CDYL2: variants seen among roughly 807,000 people sequenced by gnomAD.
The protein encoded by CDYL2 is chromodomain Y like 2.
Under a neutral mutation model 49.4 loss-of-function variants are expected in CDYL2, and 23 were observed. The ratio of observed to expected loss-of-function variants is 0.47; its 90% confidence interval spans 0.34 to 0.66. CDYL2 has a LOEUF of 0.66. CDYL2 is among the 30% of genes least tolerant of loss of function. The probability of loss-of-function intolerance (pLI) is 0.01; values close to 1 mark genes in which losing one functional copy is unlikely to be tolerated. For missense variants in CDYL2, 678 were observed against 656.4 expected, an observed-to-expected ratio of 1.03 and a Z score of -0.36; for synonymous variants, 360 against 268.8, an observed-to-expected ratio of 1.34 and a Z score of -3.32.
intron 1 of CDYL2, among the ~76,000 whole-genome samples, chr16:80,791,437 A>G (rs1401369242): frequency 1.3e-5 from 2 of 152,206 alleles, no homozygotes; most frequent in African/African-American, 4.8e-5. Context: ...GCCCTCACAA[A>G]GCTTACAATG....
chr16:80,691,524 G>A (rs1372914142), intron 1 of CDYL2, among the ~76,000 whole-genome samples: 1 of 152,204 alleles, frequency 6.6e-6, no homozygotes. Flanking sequence ...TCCAAGTGGT[G>A]AGAGAGACCA....
chr16:80,761,328 C>G lies in CDYL2; in HGVS notation c.24+42822G>C, dbSNP rs190101934. On this transcript the variant is annotated intron_variant, in intron 1 of 6. Coordinates refer to ENST00000570137, the MANE Select transcript of CDYL2 (RefSeq NM_152342.4). ...GTGACTTTGGAAAAGTTATTTACCA[C>G]TGTGAGCTTCTGTTTCCTCATCTGT... 4.5e-4 allele frequency among the ~76,000 whole-genome samples: 68 copies of G among 152,336 alleles called. No homozygotes were observed. In the Middle Eastern group the frequency reaches 0.01, roughly 23 times the overall value.
chr16:80,790,313 G>T (rs1167511395), intron 1 of CDYL2, among the ~76,000 whole-genome samples: 11 of 152,152 alleles, frequency 7.2e-5, no homozygotes, highest in Admixed American at 7.2e-4. Flanking sequence ...AAATACCTAA[G>T]ATAGCAAAGA....
chr16:80,718,566 C>G (rs189916516), intron 1 of CDYL2, among the ~76,000 whole-genome samples: 6 of 152,266 alleles, frequency 3.9e-5, no homozygotes, highest in African/African-American at 1.2e-4. Flanking sequence ...TTTACTGCTC[C>G]GTGACAAGGC....
chr16:80,604,474 A>G lies in CDYL2; in HGVS notation c.1435T>C (p.Cys479Arg), dbSNP rs1007360853. ...SVLEDVNEKE[C>R]LMLKQLWSSS... ...CTCCAGAGCTGCTTGAGCATGAGGC[A>G]TTCCTTCTCGTTCACGTCTTCCAGC... The change falls in exon 7 of 7, where the codon TGC (cysteine) becomes CGC (arginine). Residue 479 changes from cysteine to arginine, a missense_variant. Physicochemically the swap from Cys to Arg is radical, Grantham distance 180. Coordinates refer to ENST00000570137, the MANE Select transcript of CDYL2 (RefSeq NM_152342.4). 6.2e-7 allele frequency: 1 copy of G among 1,614,050 alleles called. No individual in the cohort carries two copies. Among genetic ancestry groups the G allele is most frequent in the Non-Finnish European group, 8.5e-7 (1 of 1,180,028 alleles).
In CDYL2 at chr16:80,730,166, A is replaced by G. The variant is rs948567056; in HGVS notation, c.25-45037T>C. ...CAAAAAATTAATGAATCCAGGATCT[A>G]GTTTTTTGAAAGGATCAACAAAATT... On this transcript the variant is annotated intron_variant, in intron 1 of 6. Transcript: ENST00000570137. 2.3e-3 allele frequency among the ~76,000 whole-genome samples: 347 copies of G among 152,236 alleles called. 1 individual carries two copies. The highest frequency in any genetic ancestry group is 3.7e-3 in the Non-Finnish European group (254 of 67,994).
At chr16:80,775,418 A>G (rs1287763640) in intron 1 of CDYL2, among the ~76,000 whole-genome samples, 1 of 151,944 alleles carries the variant, frequency 6.6e-6, no homozygotes, top group African/African-American at 2.4e-5. Flanking sequence ...AGTAGAGAAG[A>G]AATAAAGTGT....
chr16:80,783,064 AT>A (rs1239261268), intron 1 of CDYL2, among the ~76,000 whole-genome samples: 1 of 152,162 alleles, frequency 6.6e-6, no homozygotes, highest in Non-Finnish European at 1.5e-5. Flanking sequence ...TAAAACTACA[AT>A]TTGTGTGCAT....
intron 5 of CDYL2, among the ~76,000 whole-genome samples, chr16:80,610,065 C>G (rs976222422): frequency 1.3e-5 from 2 of 151,972 alleles, no homozygotes; most frequent in African/African-American, 2.4e-5. Context: ...GAAGGGGTAG[C>G]AAAAATTTGC....
Position 80,773,714 on chromosome 16 carries a change from G to A in CDYL2, c.24+30436C>T, listed in dbSNP as rs60277872. On this transcript the variant is annotated intron_variant, in intron 1 of 6. Coordinates refer to ENST00000570137, the MANE Select transcript of CDYL2 (RefSeq NM_152342.4). ...CGAAACAAAAATGGAAACTAGAAGT[G>A]TTTTAAACTCAGTAATCATAAAAGA... Among the ~76,000 whole-genome samples the A allele has an allele frequency of 7.7e-3, 1,172 of 152,180 alleles. 16 individuals carry two copies. The highest frequency in any genetic ancestry group is 0.027 in the African/African-American group (1,115 of 41,540).
intron 1 of CDYL2, among the ~76,000 whole-genome samples, chr16:80,771,231 AATGCAATGT>A (rs1216772634): frequency 3.7e-4 from 56 of 152,230 alleles, no homozygotes; most frequent in African/African-American, 1.4e-3. Context: ...ATTTCTTCCA[AATGCAATGT>A]CAAGTATACA....
Position 80,712,215 on chromosome 16 carries a change from A to G in CDYL2, c.25-27086T>C, listed in dbSNP as rs111878866. On this transcript the variant is annotated intron_variant, in intron 1 of 6. Coordinates refer to ENST00000570137, the MANE Select transcript of CDYL2 (RefSeq NM_152342.4). ...TGTATATATATATATATATATATAT[A>G]TCTCCAAACCACTGCTCACTGTGAT... Among the ~76,000 whole-genome samples the G allele has an allele frequency of 3.6e-3, 463 of 128,298 alleles. 12 individuals are homozygous for G. The highest frequency in any genetic ancestry group is 0.01 in the African/African-American group (392 of 37,750). The allele number at this position is 128,298 out of a possible 152,430, so 84.2% of individuals were successfully genotyped here.
chr16:80,759,219 G>C (rs1906445249), intron 1 of CDYL2, among the ~76,000 whole-genome samples: 1 of 146,414 alleles, frequency 6.8e-6, no homozygotes, highest in Non-Finnish European at 1.5e-5. Flanking sequence ...ATCTACCTAT[G>C]ATATAGGTTA....
chr16:80,742,334 G>C (rs566160168), intron 1 of CDYL2: 3 of 152,118 alleles, frequency 2.0e-5, no homozygotes, highest in Non-Finnish European at 4.4e-5. Context: ...TGGATGGATG[G>C]GATGGATGGA....
intron 1 of CDYL2, among the ~76,000 whole-genome samples, chr16:80,782,194 TAAA>T (rs1049092191): frequency 8.6e-5 from 13 of 151,554 alleles, no homozygotes; most frequent in African/African-American, 3.1e-4. Context: ...TTTACAGAAA[TAAA>T]AAGAATTATT....
In CDYL2 at chr16:80,708,752, T is replaced by G. The variant is rs193220010; in HGVS notation, c.25-23623A>C. Reference sequence around the variant, plus strand: ...CAAATAAATAAAACACACAGGGTTGTTTTTTTTTGTACTTATATGTAGAAA... The same window carrying G: ...CAAATAAATAAAACACACAGGGTTGGTTTTTTTTGTACTTATATGTAGAAA... On this transcript the variant is annotated intron_variant, in intron 1 of 6. Coordinates refer to ENST00000570137, the MANE Select transcript of CDYL2 (RefSeq NM_152342.4). Among the ~76,000 whole-genome samples, 883 of 151,110 alleles carry G rather than the reference T, an allele frequency of 5.8e-3. 5 individuals carry two copies. The highest frequency in any genetic ancestry group is 0.017 in the Middle Eastern group (5 of 294).
At chr16:80,629,216 G>C (rs1907442365) in intron 3 of CDYL2, among the ~76,000 whole-genome samples, 1 of 152,182 alleles carries the variant, frequency 6.6e-6, no homozygotes, top group African/African-American at 2.4e-5. Context: ...ATTTCTGGAA[G>C]ATCATTCTGC....
chr16:80,743,858 G>A (rs944756226), intron 1 of CDYL2, among the ~76,000 whole-genome samples: 2 of 152,116 alleles, frequency 1.3e-5, no homozygotes, highest in Non-Finnish European at 2.9e-5. Context: ...AAATGGTGCT[G>A]ATAAAGTGCC....
chr16:80,728,496 G>A (rs1363663502), intron 1 of CDYL2, among the ~76,000 whole-genome samples: 1 of 152,138 alleles, frequency 6.6e-6, no homozygotes, highest in African/African-American at 2.4e-5. Context: ...GTGATGGGGA[G>A]AATGGAACCA....
Sources: allele counts gnomAD v4.1 joint callset (sites outside exome capture counted in the v4.1 genomes callset), GRCh38; gene constraint gnomAD v4.1.1; transcripts MANE v1.5; gene names NCBI Gene and HGNC (gene_info 2026-07-23, HGNC 2026-07-21).